The following FOXK2 variants were observed in gnomAD, a reference collection of about 807,000 sequenced individuals.
FOXK2 encodes the protein forkhead box K2, also known as forkhead box protein K2.
A neutral mutation model predicts 53.3 loss-of-function variants in FOXK2; 24 were observed. That is an observed-to-expected ratio of 0.45 (90% CI 0.33 to 0.63). The LOEUF is 0.63. Ranked by LOEUF, FOXK2 falls within the 30% of genes least tolerant of loss-of-function variation. The pLI is 0.03. For missense variants in FOXK2, 952 were observed against 910.5 expected, an observed-to-expected ratio of 1.05 and a Z score of -0.59; for synonymous variants, 505 against 407.1, an observed-to-expected ratio of 1.24 and a Z score of -2.89.
At chr17:82,560,678 C>G (rs1176451691) in intron 1 of FOXK2, among the ~76,000 whole-genome samples, 1 of 152,084 alleles carries the variant, frequency 6.6e-6, no homozygotes, top group East Asian at 1.9e-4. Context: ...CTTTATAGAC[C>G]AAAAGATCGT....
chr17:82,543,003 C>T (rs192329202), intron 1 of FOXK2, among the ~76,000 whole-genome samples: 13 of 152,156 alleles, frequency 8.5e-5, no homozygotes, highest in South Asian at 2.1e-4. Context: ...AATGAATAAA[C>T]GAATGAATGG....
chr17:82,553,159 C>A (rs1011273441), intron 1 of FOXK2, among the ~76,000 whole-genome samples: 3 of 152,238 alleles, frequency 2.0e-5, no homozygotes, highest in Non-Finnish European at 2.9e-5. Context: ...TGATCTCGAA[C>A]TCCTGAGCTC....
At chr17:82,586,762 A>G (rs879507185) in intron 7 of FOXK2, among the ~76,000 whole-genome samples, 23 of 152,194 alleles carry the variant, frequency 1.5e-4, no homozygotes, top group East Asian at 3.9e-4. Flanking sequence ...TCAGCTGGGC[A>G]TGGTGGCGGG....
chr17:82,550,604 G>A (rs780470058), intron 1 of FOXK2, among the ~76,000 whole-genome samples: 1 of 149,652 alleles, frequency 6.7e-6, no homozygotes, highest in Non-Finnish European at 1.5e-5. Context: ...CCGGGTTCAC[G>A]CCATTCTCCT....
chr17:82,581,718 G>A (rs1400452539), intron 4 of FOXK2, among the ~76,000 whole-genome samples: 6 of 151,952 alleles, frequency 3.9e-5, no homozygotes, highest in South Asian at 2.1e-4. Context: ...CTCGTGATCC[G>A]CCCGCCTCGG....
chr17:82,533,800 C>T (rs545902337), intron 1 of FOXK2, among the ~76,000 whole-genome samples: 7 of 151,604 alleles, frequency 4.6e-5, no homozygotes, highest in African/African-American at 7.3e-5. Context: ...GTAGGTTAGC[C>T]GGGCGTGGTG....
chr17:82,572,011 T>C, intron 4 of FOXK2, 141 bp downstream of exon 4: 1 of 719,308 alleles, frequency 1.4e-6, no homozygotes, highest in Admixed American at 4.0e-5. Flanking sequence ...GAAGAGGAGT[T>C]GGGGGCCGGT....
chr17:82,554,737 G>GT (rs2044706926), intron 1 of FOXK2, among the ~76,000 whole-genome samples: 2 of 106,368 alleles, frequency 1.9e-5, no homozygotes, highest in Admixed American at 9.8e-5. Context: ...AATCCAGTGA[G>GT]GTTTTTTTTT....
intron 8 of FOXK2, chr17:82,596,042 C>G: frequency 8.9e-7 from 1 of 1,123,646 alleles, no homozygotes; most frequent in Non-Finnish European, 1.1e-6. Flanking sequence ...GCATCTCTGG[C>G]CTACCGCAGT....
At chr17:82,556,052 G>A (rs2044721588) in intron 1 of FOXK2, among the ~76,000 whole-genome samples, 1 of 152,080 alleles carries the variant, frequency 6.6e-6, no homozygotes, top group Non-Finnish European at 1.5e-5. Context: ...GTCTATTGAA[G>A]TATACTGTCT....
chr17:82,535,315 C>T (rs1380944954), intron 1 of FOXK2, among the ~76,000 whole-genome samples: 1 of 152,158 alleles, frequency 6.6e-6, no homozygotes, highest in Non-Finnish European at 1.5e-5. Context: ...ATTTTGGGTC[C>T]TGTGAGTTTA....
chr17:82,600,930 T>TG (rs1328633462), intron 8 of FOXK2: 2 of 174,026 alleles, frequency 1.1e-5, no homozygotes, highest in Non-Finnish European at 1.2e-5. Context: ...GGCCATCTCC[T>TG]GTCTGCCTCA....
rs761265398 is a variant in FOXK2, at chr17:82,520,059, C to T, written c.171C>T (p.Gly57=). 7.1e-6 allele frequency: 11 copies of T among 1,540,806 alleles called. No individual in the cohort carries two copies. The South Asian group carries it at 8.2e-5, about 11-fold the overall frequency. Residue 57 remains glycine (G), a synonymous_variant, in exon 1 of 9, where the codon GGC becomes GGT. Coordinates refer to ENST00000335255, the MANE Select transcript of FOXK2 (RefSeq NM_004514.4). ...YLMKKRSVTI[G]RNSSQGSVDV... ...TGAAGAAGCGCTCGGTGACCATCGGCCGCAACTCGTCGCAGGGCTCGGTGG... is the reference window on the plus strand; with the variant it reads ...TGAAGAAGCGCTCGGTGACCATCGGTCGCAACTCGTCGCAGGGCTCGGTGG...
chr17:82,590,473 C>T (rs893616581), intron 8 of FOXK2, among the ~76,000 whole-genome samples: 4 of 152,114 alleles, frequency 2.6e-5, no homozygotes, highest in Non-Finnish European at 5.9e-5. Flanking sequence ...TTTTCATGTA[C>T]TTTATGGTTA....
intron 2 of FOXK2, among the ~76,000 whole-genome samples, chr17:82,567,123 C>T (rs1288811323): frequency 6.6e-6 from 1 of 152,134 alleles, no homozygotes; most frequent in Admixed American, 6.5e-5. Context: ...CCCACCTCTC[C>T]ATCTCCCTGG....
chr17:82,533,706 T>C (rs72861020), intron 1 of FOXK2, among the ~76,000 whole-genome samples: 27,476 of 152,008 alleles, frequency 0.18, 2,831 homozygotes, highest in Non-Finnish European at 0.24. Flanking sequence ...TCCATCATAA[T>C]CTTAACGGGA....
chr17:82,520,281 G>GGCGCCGCCGCTGCAGCTGCCGC lies in FOXK2; in HGVS notation c.397_418dup (p.Val140AlafsTer37). ...TGGACGGCGTGTTCCAGAGGCGCGG[G>GGCGCCGCCGCTGCAGCTGCCGC]GCGCCGCCGCTGCAGCTGCCGCGCG... is the stretch of plus-strand genomic sequence containing the variant. On this transcript the variant is annotated frameshift_variant, in exon 1 of 9. Coordinates refer to ENST00000335255, the MANE Select transcript of FOXK2 (RefSeq NM_004514.4). LOFTEE classifies it high-confidence loss of function. The GGCGCCGCCGCTGCAGCTGCCGC allele has an allele frequency of 7.9e-7, 1 of 1,270,400 alleles. No homozygotes were observed. Among genetic ancestry groups the GGCGCCGCCGCTGCAGCTGCCGC allele is most frequent in the Non-Finnish European group, 1.0e-6 (1 of 1,004,092 alleles). 78.7% of individuals were successfully genotyped at this position (1,270,400 alleles called of 1,614,324 possible).
intron 1 of FOXK2, among the ~76,000 whole-genome samples, chr17:82,547,525 C>T (rs2044637927): frequency 6.6e-6 from 1 of 152,114 alleles, no homozygotes; most frequent in African/African-American, 2.4e-5. Flanking sequence ...TTATTTTTTT[C>T]ATCCTGCTTA....
At chr17:82,530,445 T>TAAAAA (rs919452670) in intron 1 of FOXK2, among the ~76,000 whole-genome samples, 1 of 78,870 alleles carries the variant, frequency 1.3e-5, no homozygotes, top group Non-Finnish European at 2.3e-5. Flanking sequence ...AAACTCCATC[T>TAAAAA]AAAAAAAAAA....
Sources: gnomAD v4.1 joint callset for allele counts (sites outside exome capture counted in the v4.1 genomes callset) on GRCh38, gnomAD v4.1.1 for gene constraint, MANE v1.5 for transcripts, NCBI Gene and HGNC (gene_info 2026-07-23, HGNC 2026-07-21) for gene names.